Variants in NET1 observed in about 807,000 individuals in gnomAD.
The protein encoded by NET1 is neuroepithelial cell transforming 1.
Under a neutral mutation model 61.1 loss-of-function variants are expected in NET1, and 42 were observed. The observed-to-expected ratio is 0.69, with a 90% CI of 0.54 to 0.89. The LOEUF (loss-of-function observed/expected upper bound fraction) is 0.89, where lower values mean the gene tolerates loss of function less well. NET1 is among the 40% of genes least tolerant of loss of function. NET1 has a pLI of 0.00. For missense variants in NET1, 654 were observed against 747.3 expected (o/e 0.88, Z 1.46); for synonymous variants, 254 against 281.8 (o/e 0.90, Z 0.99).
At chr10:5,413,926 GTTA>G (rs1285842259) in intron 1 of NET1, among the ~76,000 whole-genome samples, 3 of 152,160 alleles carry the variant, frequency 2.0e-5, no homozygotes, top group Admixed American at 6.5e-5. Context: ...TGTGATAAAA[GTTA>G]TTATAGTGAT....
Position 5,458,591 on chromosome 10 carries a change from T to C in NET1, c.*1597T>C, listed in dbSNP as rs1256113690. 1.3e-5 allele frequency: 2 copies of C among 152,636 alleles called. No individual in the cohort carries two copies. Among genetic ancestry groups the C allele is most frequent in the African/African-American group, 4.8e-5 (2 of 41,458 alleles). 9.5% of individuals were successfully genotyped at this position (152,636 alleles called of 1,614,324 possible). A position where few individuals can be genotyped will look rare whatever the true frequency, so the allele number is the denominator to read the frequency against. ...AATTGTAGTTCAACCTTTGAAATCA[T>C]TGATGAATCAGCGAAAGGTAGGTAA... is the stretch of plus-strand genomic sequence containing the variant. On this transcript the variant is annotated 3_prime_UTR_variant, in exon 12 of 12. Transcript: ENST00000355029. This position sits in a 1 kb window ranked among gnomAD's most constrained non-coding sequence, Gnocchi z 4.5.
rs1245319836 is a variant in NET1, at chr10:5,447,726, C to T, written c.256-4104C>T. On this transcript the variant is annotated intron_variant, in intron 3 of 11. Transcript: ENST00000355029. This position sits in a 1 kb window ranked among gnomAD's most constrained non-coding sequence, Gnocchi z 4.1. Reference sequence around the variant, plus strand: ...ACCTTTTGGTAGTTAAAATAGCTGCCGTCTTCAGGAAGTACACTTTTATTT... The same window carrying T: ...ACCTTTTGGTAGTTAAAATAGCTGCTGTCTTCAGGAAGTACACTTTTATTT... 2.0e-5 allele frequency among the ~76,000 whole-genome samples: 3 copies of T among 152,164 alleles called. No homozygotes were observed. Among genetic ancestry groups the T allele is most frequent in the Admixed American group, 6.5e-5 (1 of 15,286 alleles).
rs1832609267 is a variant in NET1, at chr10:5,446,441, C to G, written c.256-5389C>G. 2.9e-6 allele frequency: 1 copy of G among 349,718 alleles called. No individual in the cohort carries two copies. Among genetic ancestry groups the G allele is most frequent in the African/African-American group, 2.2e-5 (1 of 45,256 alleles). The allele number at this position is 349,718 out of a possible 1,614,324, so 21.7% of individuals were successfully genotyped here. On this transcript the variant is annotated intron_variant, in intron 3 of 11. Coordinates refer to ENST00000355029, the MANE Select transcript of NET1 (RefSeq NM_001047160.3). The surrounding 1 kb of genome is among the most constrained non-coding windows in gnomAD (Gnocchi z 5.0). ...TAAATCAGGAAGAGAAGTTTCTGTC[C>G]TACTTGAACCCAGCTTCACTCTCCT... is the stretch of plus-strand genomic sequence containing the variant.
In NET1 at chr10:5,456,650, G is replaced by T. The variant is rs1159480466; in HGVS notation, c.1447G>T (p.Ala483Ser). Residue 483 changes from alanine (A) to serine (S), a missense_variant, in exon 12 of 12, where the codon GCC (alanine) becomes TCC (serine). Physicochemically the swap from Ala to Ser is moderately conservative, Grantham distance 99. Transcript: ENST00000355029. This position sits in a 1 kb window ranked among gnomAD's most constrained non-coding sequence, Gnocchi z 7.0. ...TCCAGCCCAGTCTCACACTCTGCAAGCCAATGACGTGTTCCACAAGCAGCA... is the reference window on the plus strand; with the variant it reads ...TCCAGCCCAGTCTCACACTCTGCAATCCAATGACGTGTTCCACAAGCAGCA... ...PSPAQSHTLQ[A>S]NDVFHKQQWF... is the part of the protein sequence containing the mutation. 6.2e-7 allele frequency: 1 copy of T among 1,612,280 alleles called. No individual in the cohort carries two copies. Among genetic ancestry groups the T allele is most frequent in the South Asian group, 1.1e-5 (1 of 90,876 alleles).
Position 5,423,472 on chromosome 10 carries a change from G to A in NET1, c.129-3183G>A, listed in dbSNP as rs542091314. Among the ~76,000 whole-genome samples the A allele has an allele frequency of 2.3e-3, 356 of 152,200 alleles. 3 individuals are homozygous for A. Among genetic ancestry groups the A allele is most frequent in the African/African-American group, 8.1e-3 (336 of 41,554 alleles). ...AAAAACATACCAAATGATATGAAAG[G>A]AAAACATTAAAGGCCAAGGAAAATC... On this transcript the variant is annotated intron_variant, in intron 1 of 11. Coordinates refer to ENST00000355029, the MANE Select transcript of NET1 (RefSeq NM_001047160.3). This position sits in a 1 kb window ranked among gnomAD's most constrained non-coding sequence, Gnocchi z 4.4.
At chr10:5,414,475 C>T (rs1165328281) in intron 1 of NET1, among the ~76,000 whole-genome samples, 1 of 152,162 alleles carries the variant, frequency 6.6e-6, no homozygotes, top group Non-Finnish European at 1.5e-5. Flanking sequence ...GATTTGTGGA[C>T]CCAGCTGTGT....
intron 1 of NET1, among the ~76,000 whole-genome samples, chr10:5,413,829 A>T (rs1186085783): frequency 6.6e-6 from 1 of 152,224 alleles, no homozygotes; most frequent in African/African-American, 2.4e-5. Context: ...CACTAGGAAT[A>T]TGGAAATGGA....
In NET1 at chr10:5,417,021, CTTTTATAGAGTGGA is replaced by C. The variant is rs754989749; in HGVS notation, c.128+4202_128+4215del. Among the ~76,000 whole-genome samples, 1 of 152,186 alleles carries C rather than the reference CTTTTATAGAGTGGA, an allele frequency of 6.6e-6. No individual in the cohort carries two copies. The highest frequency in any genetic ancestry group is 1.5e-5 in the Non-Finnish European group (1 of 68,040). ...CGTTGGCTTGGATAATGATTGCAAG[CTTTTATAGAGTGGA>C]AGTAGCTCTCAGCAGATGGGGGAGC... On this transcript the variant is annotated intron_variant, in intron 1 of 11. Coordinates refer to ENST00000355029, the MANE Select transcript of NET1 (RefSeq NM_001047160.3). This position sits in a 1 kb window ranked among gnomAD's most constrained non-coding sequence, Gnocchi z 5.5.
In NET1 at chr10:5,444,544, C is replaced by T. The variant is rs1832574220; in HGVS notation, c.256-7286C>T. The stretch of plus-strand genomic sequence containing the variant: ...ACTAAATCCGTGGCTTTTTTCATAC[C>T]CTCCTTAACCTCTTTGCTGTAATTA... On this transcript the variant is annotated intron_variant, in intron 3 of 11. Coordinates refer to ENST00000355029, the MANE Select transcript of NET1 (RefSeq NM_001047160.3). This position sits in a 1 kb window ranked among gnomAD's most constrained non-coding sequence, Gnocchi z 5.3. Among the ~76,000 whole-genome samples, 2 of 152,132 alleles carry T rather than the reference C, an allele frequency of 1.3e-5. No homozygotes were observed. The highest frequency in any genetic ancestry group is 4.1e-4 in the South Asian group (2 of 4,824).
At chr10:5,433,407 T>C (rs755096761) in intron 3 of NET1, among the ~76,000 whole-genome samples, 2 of 152,176 alleles carry the variant, frequency 1.3e-5, no homozygotes, top group Non-Finnish European at 1.5e-5. Flanking sequence ...ACAGGAACCA[T>C]AGGACCTGTA....
Position 5,416,346 on chromosome 10 carries a change from T to C in NET1, c.128+3526T>C, listed in dbSNP as rs539759061. Among the ~76,000 whole-genome samples, 1 of 152,326 alleles carries C rather than the reference T, an allele frequency of 6.6e-6. No individual in the cohort carries two copies. The highest frequency in any genetic ancestry group is 1.9e-4 in the East Asian group (1 of 5,184). On this transcript the variant is annotated intron_variant, in intron 1 of 11. Transcript: ENST00000355029. The surrounding 1 kb of genome is among the most constrained non-coding windows in gnomAD (Gnocchi z 6.1). Reference sequence around the variant, plus strand: ...GGATATGTGAGTCCTCCTACTTTGTTCTTTTTTTCCCAAGATTGTTGTGGC... The same window carrying C: ...GGATATGTGAGTCCTCCTACTTTGTCCTTTTTTTCCCAAGATTGTTGTGGC...
In NET1 at chr10:5,456,439, T is replaced by A; in HGVS notation, c.1385-149T>A. On this transcript the variant is annotated intron_variant, in intron 11 of 11. Coordinates refer to ENST00000355029, the MANE Select transcript of NET1 (RefSeq NM_001047160.3). This position sits in a 1 kb window ranked among gnomAD's most constrained non-coding sequence, Gnocchi z 7.0. ...CAGCTCGAACACCCGCAGGTGTATC[T>A]AAGAAATAATGCATAGGCTTAATGT... is the stretch of plus-strand genomic sequence containing the variant. The A allele has an allele frequency of 9.7e-7, 1 of 1,033,792 alleles. No individual in the cohort carries two copies. 64.0% of individuals were successfully genotyped at this position (1,033,792 alleles called of 1,614,324 possible).
In NET1 at chr10:5,435,348, C is replaced by G. The variant is rs960348111; in HGVS notation, c.255+6119C>G. On this transcript the variant is annotated intron_variant, in intron 3 of 11. Coordinates refer to ENST00000355029, the MANE Select transcript of NET1 (RefSeq NM_001047160.3). This position sits in a 1 kb window ranked among gnomAD's most constrained non-coding sequence, Gnocchi z 5.0. Reference sequence around the variant, plus strand: ...TTCTTAAAGTTATTCCTCCCTCCCCCTGATTTTTGCTTGGACTTACATCTA... The same window carrying G: ...TTCTTAAAGTTATTCCTCCCTCCCCGTGATTTTTGCTTGGACTTACATCTA... Among the ~76,000 whole-genome samples the G allele has an allele frequency of 6.6e-6, 1 of 152,140 alleles. No homozygotes were observed. Among genetic ancestry groups the G allele is most frequent in the African/African-American group, 2.4e-5 (1 of 41,430 alleles).
intron 3 of NET1, among the ~76,000 whole-genome samples, chr10:5,448,795 G>C (rs1832660099): frequency 6.6e-6 from 1 of 151,250 alleles, no homozygotes; most frequent in Admixed American, 6.6e-5. Flanking sequence ...CCTAGCAGTG[G>C]AACTATGGGT....
intron 1 of NET1, among the ~76,000 whole-genome samples, chr10:5,419,899 C>CT (rs1832144022): frequency 6.6e-6 from 1 of 152,002 alleles, no homozygotes; most frequent in African/African-American, 2.4e-5. Context: ...TTTGGGGTTC[C>CT]TTGTAAATAA....
rs374624995 is a variant in NET1, at chr10:5,453,458, G to A, written c.692-26G>A. The A allele has an allele frequency of 6.2e-7, 1 of 1,610,274 alleles. No individual in the cohort carries two copies. The highest frequency in any genetic ancestry group is 1.3e-5 in the African/African-American group (1 of 74,824). ...TATTTTTTAAATAAACCTGTTAATG[G>A]TGTTTATGCTTTTTTATCACTTCAG... On this transcript the variant is annotated intron_variant, in intron 7 of 11. Transcript: ENST00000355029. This position sits in a 1 kb window ranked among gnomAD's most constrained non-coding sequence, Gnocchi z 4.9.
rs4881439 is a variant in NET1 at position 5,423,873 on chromosome 10, G to C, written c.129-2782G>C. On this transcript the variant is annotated intron_variant, in intron 1 of 11. Coordinates refer to ENST00000355029, the MANE Select transcript of NET1 (RefSeq NM_001047160.3). The surrounding 1 kb of genome is among the most constrained non-coding windows in gnomAD (Gnocchi z 4.4). ...ACTGTCTCACATCCTTTGTGGGCAC[G>C]GTTTGTTTTTTGGGTTCCTTTTTTC... Among the ~76,000 whole-genome samples the C allele has an allele frequency of 0.68, 103,046 of 152,056 alleles. 35,358 individuals are homozygous for C. Among genetic ancestry groups the C allele is most frequent in the Middle Eastern group, 0.74 (218 of 294 alleles).
chr10:5,447,197 T>G lies in NET1; in HGVS notation c.256-4633T>G, dbSNP rs1216552274. On this transcript the variant is annotated intron_variant, in intron 3 of 11. Transcript: ENST00000355029. The surrounding 1 kb of genome is among the most constrained non-coding windows in gnomAD (Gnocchi z 4.1). ...TATCATCCAGTCTTAGAAACTACCT[T>G]AATGGAGCAAGAGGAAAAGAATCCC... Among the ~76,000 whole-genome samples, 1 of 152,230 alleles carries G rather than the reference T, an allele frequency of 6.6e-6. No homozygotes were observed. The highest frequency in any genetic ancestry group is 2.1e-4 in the South Asian group (1 of 4,836).
At position 5,412,659 on chromosome 10, in the gene NET1, C is replaced by T; in HGVS notation, c.-34C>T. On this transcript the variant is annotated 5_prime_UTR_variant, in exon 1 of 12. Transcript: ENST00000355029. This position sits in a 1 kb window ranked among gnomAD's most constrained non-coding sequence, Gnocchi z 6.5. ...TGCCCGTCCCTGCCGGTCTCCCGGG[C>T]ACCCGGCCACCGCCCCACCCCCTCC... The T allele has an allele frequency of 6.9e-7, 1 of 1,452,718 alleles. No homozygotes were observed. The highest frequency in any genetic ancestry group is 9.0e-7 in the Non-Finnish European group (1 of 1,114,412). The allele number at this position is 1,452,718 out of a possible 1,614,324, so 90.0% of individuals were successfully genotyped here.
Sources: allele counts gnomAD v4.1 joint callset (sites outside exome capture counted in the v4.1 genomes callset), GRCh38; gene constraint gnomAD v4.1.1; non-coding constraint Gnocchi (gnomAD v3.1); transcripts MANE v1.5; gene names NCBI Gene and HGNC (gene_info 2026-07-23, HGNC 2026-07-21).